The following SCHIP1 variants were observed in gnomAD, a reference collection of about 807,000 sequenced individuals.
SCHIP1 encodes the protein schwannomin-interacting protein 1.
SCHIP1 carries 8 observed loss-of-function variants against 29.7 expected under a neutral mutation model. The ratio of observed to expected loss-of-function variants is 0.27; its 90% CI spans 0.16 to 0.49. The LOEUF is 0.49. SCHIP1 is among the 20% of genes least tolerant of loss of function. The pLI is 0.99. For synonymous variants in SCHIP1, 76 were observed against 94.9 expected (o/e 0.80, Z 1.16); for missense variants, 193 against 294.6 (o/e 0.66, Z 2.52).
At chr3:159,473,689 A>G in the SCHIP1 span, among the ~76,000 whole-genome samples, 2 of 149,896 alleles carry the variant, frequency 1.3e-5, no homozygotes, top group South Asian at 4.2e-4. Flanking sequence ...AAAAAAAAAA[A>G]AAAAAGAAAA....
the SCHIP1 span, among the ~76,000 whole-genome samples, chr3:159,597,582 G>C: frequency 3.9e-5 from 6 of 152,116 alleles, no homozygotes; most frequent in Non-Finnish European, 7.4e-5. Flanking sequence ...ACCAGTTCCT[G>C]CATGTTGCTG....
chr3:159,552,727 A>C, the SCHIP1 span, among the ~76,000 whole-genome samples: 1 of 152,238 alleles, frequency 6.6e-6, no homozygotes, highest in Admixed American at 6.5e-5. Context: ...AAACATAAGC[A>C]GACACAGGTC....
chr3:159,544,323 G>A, the SCHIP1 span, among the ~76,000 whole-genome samples: 1,014 of 152,030 alleles, frequency 6.7e-3, 10 homozygotes, highest in African/African-American at 0.022. Flanking sequence ...CAGTGTTAGG[G>A]TATCATGAAC....
chr3:159,361,416 C>A, the SCHIP1 span, among the ~76,000 whole-genome samples: 1 of 152,112 alleles, frequency 6.6e-6, no homozygotes, highest in South Asian at 2.1e-4. Context: ...AAGAAGGTCA[C>A]CTTGGCTGAA....
At chr3:159,620,257 G>A in the SCHIP1 span, among the ~76,000 whole-genome samples, 3 of 152,198 alleles carry the variant, frequency 2.0e-5, no homozygotes, top group Non-Finnish European at 4.4e-5. Context: ...TACTAATTTT[G>A]TAATACTAAA....
the SCHIP1 span, among the ~76,000 whole-genome samples, chr3:159,563,258 C>T: frequency 6.6e-6 from 1 of 152,042 alleles, no homozygotes; most frequent in Non-Finnish European, 1.5e-5. Context: ...AATATTAATC[C>T]TCAATTATGT....
the SCHIP1 span, among the ~76,000 whole-genome samples, chr3:159,424,684 C>T: frequency 6.6e-6 from 1 of 152,262 alleles, no homozygotes; most frequent in South Asian, 2.1e-4. Context: ...TCAGGAAATA[C>T]AGAGAACGCC....
chr3:159,772,863 C>T, the SCHIP1 span, among the ~76,000 whole-genome samples: 1 of 152,226 alleles, frequency 6.6e-6, no homozygotes, highest in African/African-American at 2.4e-5. Flanking sequence ...GCCTCAGCCT[C>T]CTGAGTAGCT....
chr3:159,314,214 A>T, the SCHIP1 span, among the ~76,000 whole-genome samples: 3 of 152,108 alleles, frequency 2.0e-5, no homozygotes, highest in Non-Finnish European at 4.4e-5. Context: ...CAGCATTCTG[A>T]TGGGTAGAAG....
the SCHIP1 span, among the ~76,000 whole-genome samples, chr3:159,529,093 T>C: frequency 1.3e-5 from 2 of 152,158 alleles, no homozygotes; most frequent in South Asian, 4.1e-4. Flanking sequence ...ATAATAACCA[T>C]ATATATATAC....
the SCHIP1 span, among the ~76,000 whole-genome samples, chr3:159,717,183 T>C: frequency 2.0e-5 from 3 of 152,088 alleles, no homozygotes; most frequent in Admixed American, 6.6e-5. Flanking sequence ...TTGAAACCAA[T>C]GATAACAAAG....
the SCHIP1 span, among the ~76,000 whole-genome samples, chr3:159,710,815 A>G: frequency 6.6e-6 from 1 of 152,236 alleles, no homozygotes; most frequent in Non-Finnish European, 1.5e-5. Context: ...AGAGAAAAAC[A>G]GGATAGTAAC....
At chr3:159,563,331 TAAA>T in the SCHIP1 span, among the ~76,000 whole-genome samples, 2 of 152,178 alleles carry the variant, frequency 1.3e-5, no homozygotes, top group Admixed American at 6.5e-5. Flanking sequence ...GGAATGGAGT[TAAA>T]AGTCATTTTC....
At chr3:159,293,959 T>C in the SCHIP1 span, among the ~76,000 whole-genome samples, 4 of 152,244 alleles carry the variant, frequency 2.6e-5, no homozygotes, top group East Asian at 7.7e-4. Context: ...CCAGGCCAGA[T>C]ACTACAGGGC....
chr3:159,551,584 TAC>T, the SCHIP1 span, among the ~76,000 whole-genome samples: 12 of 152,188 alleles, frequency 7.9e-5, no homozygotes, highest in Admixed American at 3.3e-4. Context: ...AACTGTATAA[TAC>T]TTTCATTTTA....
chr3:159,357,428 A>G, the SCHIP1 span, among the ~76,000 whole-genome samples: 202 of 152,334 alleles, frequency 1.3e-3, 2 homozygotes, highest in African/African-American at 4.7e-3. Flanking sequence ...GCACACACAC[A>G]TGTACAAATG....
chr3:159,646,445 C>A, the SCHIP1 span, among the ~76,000 whole-genome samples: 1 of 152,146 alleles, frequency 6.6e-6, no homozygotes, highest in African/African-American at 2.4e-5. Flanking sequence ...TAGAGCTGTA[C>A]TGCGGTCTGA....
chr3:159,884,391 T>G (rs911092401), intron 2 of SCHIP1, among the ~76,000 whole-genome samples: 40 of 82,160 alleles, frequency 4.9e-4, no homozygotes, highest in African/African-American at 5.5e-4. Context: ...GTGTGTGTGT[T>G]TATGTATGTA....
chr3:159,820,650 G>A, the SCHIP1 span, among the ~76,000 whole-genome samples: 1 of 152,212 alleles, frequency 6.6e-6, no homozygotes, highest in Non-Finnish European at 1.5e-5. Context: ...TAGGAGGTCA[G>A]GGTTGAGAGA....
Sources: gnomAD v4.1 joint callset for allele counts (sites outside exome capture counted in the v4.1 genomes callset) on GRCh38, gnomAD v4.1.1 for gene constraint, MANE v1.5 for transcripts, NCBI Gene and HGNC (gene_info 2026-07-23, HGNC 2026-07-21) for gene names.